Variants in SPTLC3 observed in about 807,000 individuals in gnomAD.
SPTLC3 encodes the protein serine palmitoyltransferase long chain base subunit 3, also known as serine palmitoyltransferase 3.
In SPTLC3, 36 loss-of-function variants were observed where a neutral mutation model predicts 59.3. The ratio of observed to expected loss-of-function variants is 0.61; its 90% CI spans 0.47 to 0.80. The LOEUF (loss-of-function observed/expected upper bound fraction) is 0.80. Ranked by LOEUF, SPTLC3 falls within the 30% of genes least tolerant of loss-of-function variation. SPTLC3 has a pLI of 0.00. For missense variants in SPTLC3, 625 were observed against 685.1 expected, an observed-to-expected ratio of 0.91 and a Z score of 0.98; for synonymous variants, 257 against 240.8, an observed-to-expected ratio of 1.07 and a Z score of -0.62.
chr20:13,066,813 C>T (rs1988230346), intron 2 of SPTLC3, among the ~76,000 whole-genome samples: 1 of 151,606 alleles, frequency 6.6e-6, no homozygotes, highest in Admixed American at 6.6e-5. Context: ...TTATTTCAAT[C>T]TTGCCATGTC....
intron 1 of SPTLC3, among the ~76,000 whole-genome samples, chr20:13,024,145 C>T (rs1157917694): frequency 6.6e-6 from 1 of 152,132 alleles, no homozygotes; most frequent in Non-Finnish European, 1.5e-5. Flanking sequence ...CTGTTACTAT[C>T]GTCATTTTTT....
chr20:13,123,955 C>G (rs1366257679), intron 8 of SPTLC3, among the ~76,000 whole-genome samples: 2 of 152,144 alleles, frequency 1.3e-5, no homozygotes, highest in Admixed American at 6.5e-5. Context: ...ACGGAACATG[C>G]CACTGTGAAG....
At chr20:13,153,064 A>C (rs543536128) in intron 9 of SPTLC3, among the ~76,000 whole-genome samples, 26 of 152,328 alleles carry the variant, frequency 1.7e-4, no homozygotes, top group South Asian at 1.0e-3. Flanking sequence ...ATTCCTGCCG[A>C]ACAGCAATCC....
At chr20:13,142,467 C>A (rs1448298485) in intron 9 of SPTLC3, among the ~76,000 whole-genome samples, 2 of 152,158 alleles carry the variant, frequency 1.3e-5, no homozygotes, top group East Asian at 1.9e-4. Context: ...TCCACACTGG[C>A]CTTTGTTTTT....
At chr20:13,084,254 A>G (rs1988935550) in intron 4 of SPTLC3, among the ~76,000 whole-genome samples, 1 of 152,252 alleles carries the variant, frequency 6.6e-6, no homozygotes, top group Non-Finnish European at 1.5e-5. Context: ...GGAGGGGAAT[A>G]AAAAGTTTTT....
chr20:13,082,916 G>A (rs1036186140), intron 4 of SPTLC3, among the ~76,000 whole-genome samples: 1 of 152,174 alleles, frequency 6.6e-6, no homozygotes, highest in Non-Finnish European at 1.5e-5. Flanking sequence ...CATCATCAAT[G>A]TCTGCTCCTA....
intron 1 of SPTLC3, among the ~76,000 whole-genome samples, chr20:13,040,306 T>C (rs1600223909): frequency 6.6e-6 from 1 of 152,208 alleles, no homozygotes; most frequent in Non-Finnish European, 1.5e-5. Flanking sequence ...TATTGTTTTA[T>C]ACAATTTCTT....
intron 9 of SPTLC3, among the ~76,000 whole-genome samples, chr20:13,128,757 C>G (rs1013076758): frequency 3.3e-5 from 5 of 151,856 alleles, no homozygotes; most frequent in African/African-American, 1.2e-4. Context: ...GTGACATGAT[C>G]TTGGCTCACT....
intron 9 of SPTLC3, among the ~76,000 whole-genome samples, chr20:13,151,049 C>T (rs530714104): frequency 6.6e-6 from 1 of 152,180 alleles, no homozygotes; most frequent in Non-Finnish European, 1.5e-5. Context: ...TCTCACTAGA[C>T]TATAAGCTCT....
At chr20:13,123,128 C>T (rs1225880918) in intron 8 of SPTLC3, among the ~76,000 whole-genome samples, 1 of 152,152 alleles carries the variant, frequency 6.6e-6, no homozygotes, top group African/African-American at 2.4e-5. Context: ...GTCAGGAGTT[C>T]GAGACCAGCC....
Position 13,103,902 on chromosome 20 carries a change from T to C in SPTLC3, c.827-6210T>C, listed in dbSNP as rs1216598118. 3.3e-5 allele frequency among the ~76,000 whole-genome samples: 5 copies of C among 152,344 alleles called. No homozygotes were observed. In the South Asian group the frequency reaches 1.0e-3, roughly 32 times the overall value. On this transcript the variant is annotated intron_variant, in intron 6 of 11. Coordinates refer to ENST00000399002, the MANE Select transcript of SPTLC3 (RefSeq NM_018327.4). ...CTTCCGGAAGACACACTATGAACTA[T>C]GCCCTACCTTCTTGGAAGATTCTGG... is the stretch of plus-strand genomic sequence containing the variant.
intron 8 of SPTLC3, among the ~76,000 whole-genome samples, chr20:13,122,177 C>A (rs2037881942): frequency 6.6e-6 from 1 of 152,196 alleles, no homozygotes; most frequent in South Asian, 2.1e-4. Flanking sequence ...CAGGCCACCA[C>A]TAGGTATCCA....
At chr20:13,091,349 C>A in intron 5 of SPTLC3, 142 bp downstream of exon 5, 1 of 1,020,358 alleles carries the variant, frequency 9.8e-7, no homozygotes, top group Non-Finnish European at 1.4e-6. Flanking sequence ...CCAAGGCGGG[C>A]GGATCACGAG....
At chr20:13,010,877 T>C (rs2122348087) in intron 1 of SPTLC3, among the ~76,000 whole-genome samples, 1 of 152,206 alleles carries the variant, frequency 6.6e-6, no homozygotes, top group South Asian at 2.1e-4. Context: ...GATTAGAAAC[T>C]TAGACAGTTA....
At chr20:13,066,755 C>T (rs942137013) in intron 2 of SPTLC3, among the ~76,000 whole-genome samples, 2 of 151,940 alleles carry the variant, frequency 1.3e-5, no homozygotes, top group Non-Finnish European at 2.9e-5. Flanking sequence ...CCTTCTTACA[C>T]TTTGCCTTCT....
intron 1 of SPTLC3, among the ~76,000 whole-genome samples, chr20:13,029,821 G>T (rs1024928062): frequency 6.6e-6 from 1 of 152,076 alleles, no homozygotes; most frequent in African/African-American, 2.4e-5. Context: ...GGGGTAATAG[G>T]CTATGTGCAG....
At chr20:13,113,625 G>T (rs546619406) in intron 7 of SPTLC3, among the ~76,000 whole-genome samples, 1 of 152,166 alleles carries the variant, frequency 6.6e-6, no homozygotes, top group Admixed American at 6.5e-5. Context: ...CTGGGACCTA[G>T]GTTCAAATCC....
At chr20:13,053,189 GAGGA>G (rs1324160568) in intron 2 of SPTLC3, among the ~76,000 whole-genome samples, 19 of 152,276 alleles carry the variant, frequency 1.2e-4, no homozygotes, top group Middle Eastern at 3.4e-3. Context: ...GAAGCTTCCA[GAGGA>G]AGGAACAGGC....
At chr20:13,111,370 C>T (rs1990223803) in intron 7 of SPTLC3, among the ~76,000 whole-genome samples, 1 of 152,310 alleles carries the variant, frequency 6.6e-6, no homozygotes, top group East Asian at 1.9e-4. Context: ...AGCCTAGGCA[C>T]ATTTGGCGAT....
Sources: allele counts gnomAD v4.1 joint callset (sites outside exome capture counted in the v4.1 genomes callset), GRCh38; gene constraint gnomAD v4.1.1; transcripts MANE v1.5; gene names NCBI Gene and HGNC (gene_info 2026-07-23, HGNC 2026-07-21).